Variants in EYS observed in about 807,000 individuals in gnomAD.
EYS encodes the protein EGF-like photoreceptor maintenance factor.
A neutral mutation model predicts 282.1 loss-of-function variants in EYS; 250 were observed. The ratio of observed to expected loss-of-function variants is 0.89; its 90% CI spans 0.80 to 0.98. The LOEUF is 0.98. Ranked by LOEUF, EYS falls within the 50% of genes least tolerant of loss-of-function variation. The pLI is 0.00. For missense variants in EYS, 4,016 were observed against 3,709.0 expected (o/e 1.08, Z -2.15); for synonymous variants, 1,355 against 1,282.9 (o/e 1.06, Z -1.20).
At chr6:64,389,157 T>C (rs2150425356) in intron 28 of EYS, among the ~76,000 whole-genome samples, 1 of 152,348 alleles carries the variant, frequency 6.6e-6, no homozygotes, top group Middle Eastern at 3.4e-3. Flanking sequence ...TTTTACATTA[T>C]TAAATTTTCT....
chr6:64,741,950 C>T (rs747960846), intron 22 of EYS, among the ~76,000 whole-genome samples: 26 of 152,168 alleles, frequency 1.7e-4, no homozygotes, highest in Non-Finnish European at 3.2e-4. Context: ...TACACGTTCA[C>T]TGGAGAACCA....
At chr6:64,410,065 G>A (rs1252711329) in intron 28 of EYS, among the ~76,000 whole-genome samples, 1 of 152,018 alleles carries the variant, frequency 6.6e-6, no homozygotes, top group African/African-American at 2.4e-5. Flanking sequence ...GTAAAAATTA[G>A]GGCATTCATG....
intron 35 of EYS, among the ~76,000 whole-genome samples, chr6:63,877,954 T>G (rs1406969746): frequency 6.6e-6 from 1 of 152,236 alleles, no homozygotes; most frequent in Non-Finnish European, 1.5e-5. Flanking sequence ...TTACCGATCA[T>G]CTGAAGCCTT....
intron 22 of EYS, among the ~76,000 whole-genome samples, chr6:64,792,877 T>TGTGTGTGTGTG (rs1562194593): frequency 6.6e-6 from 1 of 151,916 alleles, no homozygotes. Context: ...TGTGTGTGTG[T>TGTGTGTGTGTG]TAGATGTAAC....
intron 15 of EYS, among the ~76,000 whole-genome samples, chr6:64,930,461 T>TAAAAAAA (rs55650031): frequency 1.6e-5 from 2 of 123,028 alleles, no homozygotes; most frequent in East Asian, 2.4e-4. Flanking sequence ...ATAAATAAGG[T>TAAAAAAA]AAAAAAAAAA....
At chr6:64,231,239 A>C (rs189007784) in intron 30 of EYS, among the ~76,000 whole-genome samples, 293 of 152,300 alleles carry the variant, frequency 1.9e-3, no homozygotes, top group Admixed American at 4.8e-3. Context: ...CTGACTTAGC[A>C]TTAATTTCTG....
chr6:64,319,350 A>C (rs6454791), intron 29 of EYS, among the ~76,000 whole-genome samples: 68 of 151,876 alleles, frequency 4.5e-4, no homozygotes, highest in African/African-American at 1.6e-3. Flanking sequence ...TAGAAATGTA[A>C]AAAAAATGAG....
chr6:65,339,684 A>T (rs1177420874), intron 10 of EYS, among the ~76,000 whole-genome samples: 1 of 151,146 alleles, frequency 6.6e-6, no homozygotes, highest in African/African-American at 2.4e-5. Context: ...GAGTTTGATC[A>T]ATGAAATGTG....
chr6:65,183,684 T>A (rs1308951452), intron 12 of EYS, among the ~76,000 whole-genome samples: 10 of 151,896 alleles, frequency 6.6e-5, no homozygotes, highest in African/African-American at 2.4e-4. Flanking sequence ...GATTTTATTA[T>A]ACTTTCTACC....
At chr6:63,945,092 T>C (rs1352005606) in intron 35 of EYS, among the ~76,000 whole-genome samples, 1 of 152,208 alleles carries the variant, frequency 6.6e-6, no homozygotes, top group African/African-American at 2.4e-5. Flanking sequence ...TTAGCCATTA[T>C]ATTAGTACTT....
At chr6:65,288,175 A>G (rs1768422848) in intron 12 of EYS, among the ~76,000 whole-genome samples, 1 of 151,106 alleles carries the variant, frequency 6.6e-6, no homozygotes, top group Non-Finnish European at 1.5e-5. Context: ...TCAGAATGTA[A>G]GGAGTATAAA....
At chr6:65,616,054 G>A (rs1222496335) in intron 2 of EYS, among the ~76,000 whole-genome samples, 1 of 147,476 alleles carries the variant, frequency 6.8e-6, no homozygotes, top group Non-Finnish European at 1.5e-5. Context: ...TAATGCATTA[G>A]CATCAAGCAT....
At chr6:64,586,453 G>A (rs1473243896) in intron 26 of EYS, among the ~76,000 whole-genome samples, 3 of 152,012 alleles carry the variant, frequency 2.0e-5, no homozygotes, top group Non-Finnish European at 4.4e-5. Context: ...CTGTTAATGA[G>A]TTTAATGAAA....
chr6:64,634,395 A>G (rs926889652), intron 22 of EYS, among the ~76,000 whole-genome samples: 1 of 152,202 alleles, frequency 6.6e-6, no homozygotes, highest in Non-Finnish European at 1.5e-5. Context: ...CAAATCAGAA[A>G]CTACCTCAGA....
intron 36 of EYS, among the ~76,000 whole-genome samples, chr6:63,810,079 T>TAA (rs59987621): frequency 2.3e-3 from 310 of 136,418 alleles, no homozygotes; most frequent in African/African-American, 7.9e-3. Flanking sequence ...GCCTCTACTT[T>TAA]AAAAAAAAAA....
At chr6:64,279,637 T>C (rs139795737) in intron 30 of EYS, among the ~76,000 whole-genome samples, 4 of 152,252 alleles carry the variant, frequency 2.6e-5, no homozygotes, top group East Asian at 1.9e-4. Flanking sequence ...GAGGAATGGA[T>C]AGTTTATTTT....
chr6:64,299,583 C>G (rs1041951480), intron 30 of EYS, among the ~76,000 whole-genome samples: 3 of 152,162 alleles, frequency 2.0e-5, no homozygotes, highest in Admixed American at 2.0e-4. Flanking sequence ...TTGGGATTTC[C>G]AAGTTCACAG....
chr6:64,124,803 C>T (rs986564924), intron 31 of EYS, among the ~76,000 whole-genome samples: 1 of 152,082 alleles, frequency 6.6e-6, no homozygotes, highest in African/African-American at 2.4e-5. Context: ...AAATTCAAGT[C>T]AGCATGACAT....
At chr6:65,402,970 G>A (rs898557534) in intron 6 of EYS, among the ~76,000 whole-genome samples, 3 of 152,034 alleles carry the variant, frequency 2.0e-5, no homozygotes, top group African/African-American at 7.2e-5. Context: ...AGGAAGCGCA[G>A]GCCACATGGA....
Sources: gnomAD v4.1 joint callset for allele counts (sites outside exome capture counted in the v4.1 genomes callset) on GRCh38, gnomAD v4.1.1 for gene constraint, MANE v1.5 for transcripts, NCBI Gene and HGNC (gene_info 2026-07-23, HGNC 2026-07-21) for gene names.